Variants in TIAM1 observed in about 807,000 individuals in gnomAD.
TIAM1 encodes the protein rho guanine nucleotide exchange factor TIAM1.
Under a neutral mutation model 163.5 loss-of-function variants are expected in TIAM1, and 65 were observed. The observed-to-expected ratio is 0.40, with a 90% confidence interval of 0.33 to 0.49. TIAM1 has a LOEUF of 0.49. TIAM1 is among the 20% of genes least tolerant of loss of function. TIAM1 has a pLI of 0.77. For synonymous variants in TIAM1, 833 were observed against 810.1 expected, an observed-to-expected ratio of 1.03 and a Z score of -0.48; for missense variants, 1,789 against 2,044.7, an observed-to-expected ratio of 0.87 and a Z score of 2.41.
intron 22 of TIAM1, among the ~76,000 whole-genome samples, chr21:31,137,517 C>T (rs905208283): frequency 5.3e-5 from 8 of 152,008 alleles, no homozygotes; most frequent in African/African-American, 1.9e-4. Flanking sequence ...GAGTTACATA[C>T]AAAAGACAAA....
intron 16 of TIAM1, among the ~76,000 whole-genome samples, chr21:31,159,033 C>CA (rs1366297998): frequency 2.0e-5 from 3 of 152,106 alleles, no homozygotes; most frequent in African/African-American, 7.2e-5. Flanking sequence ...GTGGGACAAG[C>CA]AGCTTAGGAC....
intron 7 of TIAM1, among the ~76,000 whole-genome samples, chr21:31,225,234 A>G (rs1456507003): frequency 2.6e-5 from 4 of 152,088 alleles, no homozygotes; most frequent in Non-Finnish European, 5.9e-5. Flanking sequence ...TCCTGGGCTC[A>G]AGCGAGTATG....
rs1478505682 is a variant in TIAM1, at chr21:31,119,126, G to T, written c.*1242C>A. On this transcript the variant is annotated 3_prime_UTR_variant, in exon 28 of 28. Coordinates refer to ENST00000541036, the MANE Select transcript of TIAM1 (RefSeq NM_001353694.2). ...TTTTTTTAAAAAAAAAAAAAAAATT[G>T]AAAGTGCTATAACTTGTTTTTCTTC... The T allele has an allele frequency of 1.3e-5, 2 of 151,262 alleles. No homozygotes were observed. The highest frequency in any genetic ancestry group is 4.9e-5 in the African/African-American group (2 of 40,450). The allele number at this position is 151,262 out of a possible 1,614,324, so 9.4% of individuals were successfully genotyped here. A position where few individuals can be genotyped will look rare whatever the true frequency, so the allele number is the denominator to read the frequency against.
At position 31,217,615 on chromosome 21, in the gene TIAM1, A is replaced by C. The variant is rs1474445656; in HGVS notation, c.2080T>G (p.Ser694Ala). The C allele has an allele frequency of 6.2e-7, 1 of 1,614,004 alleles. No individual in the cohort carries two copies. The highest frequency in any genetic ancestry group is 2.2e-5 in the East Asian group (1 of 44,854). Reference sequence around the variant, plus strand: ...GTAGTATCCAGACCCCACAGAGAAGAAAACCTGCTCCTTCGCTTGCTCGCG... The same window carrying C: ...GTAGTATCCAGACCCCACAGAGAAGCAAACCTGCTCCTTCGCTTGCTCGCG... ...RSASKRRSRF[S>A]SLWGLDTTSK... The change falls in exon 9 of 28, where the codon TCT (serine) becomes GCT (alanine). Residue 694 changes from serine to alanine, a missense_variant. Ser to Ala is a moderately conservative substitution (Grantham distance 99, BLOSUM62 1). Coordinates refer to ENST00000541036, the MANE Select transcript of TIAM1 (RefSeq NM_001353694.2).
rs1232542114 is a variant in TIAM1 at position 31,395,114 on chromosome 21, T to C, written c.-368-55692A>G. ...TTAGCCAGGCATGGTGGCGCGTGCC[T>C]GTAGTCCCAGCTACTTGGGAGGCTG... On this transcript the variant is annotated intron_variant, in intron 2 of 28. Coordinates refer to the TIAM1 transcript ENST00000286827. This position sits in a 1 kb window ranked among gnomAD's most constrained non-coding sequence, Gnocchi z 7.5. 6.6e-6 allele frequency among the ~76,000 whole-genome samples: 1 copy of C among 152,070 alleles called. No individual in the cohort carries two copies. The highest frequency in any genetic ancestry group is 1.5e-5 in the Non-Finnish European group (1 of 67,996).
rs757470504 is a variant in TIAM1, at chr21:31,182,601, C to T, written c.2707G>A (p.Ala903Thr). 34 of 1,613,582 alleles carry T rather than the reference C, an allele frequency of 2.1e-5. No individual in the cohort carries two copies. The highest frequency in any genetic ancestry group is 1.2e-4 in the Admixed American group (7 of 59,908). The part of the protein sequence containing the change: ...DEILEINNRA[A>T]DALNSSMLKD... ...AGCATAGAAGAGTTCAGGGCGTCAG[C>T]AGCACGATTATTGATCTCAAGAATC... Residue 903 changes from alanine to threonine, a missense_variant, in exon 15 of 28, where the codon GCT becomes ACT. This residue lies in a region of TIAM1 where 303 missense variants were observed against 321.3 expected (regional missense o/e 0.94). Coordinates refer to ENST00000541036, the MANE Select transcript of TIAM1 (RefSeq NM_001353694.2).
intron 15 of TIAM1, among the ~76,000 whole-genome samples, chr21:31,178,978 C>T (rs983693201): frequency 1.3e-4 from 20 of 151,248 alleles, no homozygotes; most frequent in Admixed American, 9.9e-4. Flanking sequence ...CTCGAACTCC[C>T]GACCTCAGGT....
intron 5 of TIAM1, among the ~76,000 whole-genome samples, chr21:31,250,151 G>GAAAAAAAAAAAAA (rs755928120): frequency 3.4e-5 from 2 of 58,852 alleles, no homozygotes; most frequent in African/African-American, 1.1e-4. Flanking sequence ...GTCTCAAACA[G>GAAAAAAAAAAAAA]AAAAAAAAAA....
At chr21:31,146,033 A>T (rs986323690) in intron 20 of TIAM1, among the ~76,000 whole-genome samples, 5 of 152,196 alleles carry the variant, frequency 3.3e-5, no homozygotes, top group African/African-American at 1.2e-4. Flanking sequence ...TTAAAGAAAA[A>T]CAGAAATAAA....
chr21:31,312,218 C>T (rs1343220636), intron 2 of TIAM1, among the ~76,000 whole-genome samples: 2 of 152,178 alleles, frequency 1.3e-5, no homozygotes, highest in Non-Finnish European at 2.9e-5. Flanking sequence ...AATAAACTCC[C>T]CTTCATATAT....
chr21:31,356,797 C>T (rs529528197), intron 2 of TIAM1, among the ~76,000 whole-genome samples: 11 of 152,264 alleles, frequency 7.2e-5, no homozygotes, highest in South Asian at 6.2e-4. Context: ...TTCATAGCTT[C>T]GATATTTCAT....
intron 1 of TIAM1, among the ~76,000 whole-genome samples, chr21:31,468,645 G>A (rs1241183198): frequency 6.6e-6 from 1 of 151,986 alleles, no homozygotes; most frequent in African/African-American, 2.4e-5. Context: ...GCGTGGTGTC[G>A]GGTGCCTGTT....
At chr21:31,306,144 C>T (rs2074702490) in intron 2 of TIAM1, among the ~76,000 whole-genome samples, 1 of 151,866 alleles carries the variant, frequency 6.6e-6, no homozygotes, top group Non-Finnish European at 1.5e-5. Context: ...ATAAGCCAGG[C>T]ATGGTGACAT....
intron 2 of TIAM1, among the ~76,000 whole-genome samples, chr21:31,433,678 T>C (rs541525208): frequency 6.6e-6 from 1 of 152,380 alleles, no homozygotes; most frequent in East Asian, 1.9e-4. Context: ...AATTGACTTA[T>C]ACTCTGAAAC....
At chr21:31,274,295 G>A (rs905754909) in intron 3 of TIAM1, among the ~76,000 whole-genome samples, 13 of 152,012 alleles carry the variant, frequency 8.6e-5, no homozygotes, top group Non-Finnish European at 1.9e-4. Context: ...GATACAGCAC[G>A]TACCTTGCAT....
At chr21:31,308,913 T>TG (rs1252499180) in intron 2 of TIAM1, among the ~76,000 whole-genome samples, 2 of 152,032 alleles carry the variant, frequency 1.3e-5, no homozygotes, top group East Asian at 1.9e-4. Context: ...GGCTGGGAGT[T>TG]GGGGGGGTTA....
At chr21:31,461,992 T>G (rs2045346313) in intron 2 of TIAM1, among the ~76,000 whole-genome samples, 1 of 152,236 alleles carries the variant, frequency 6.6e-6, no homozygotes, top group Middle Eastern at 3.2e-3. Flanking sequence ...AAGCCACAGT[T>G]TGTGAGCTAC....
intron 1 of TIAM1, among the ~76,000 whole-genome samples, chr21:31,527,759 C>T (rs2047834823): frequency 6.6e-6 from 1 of 152,110 alleles, no homozygotes. Context: ...CCAGTCCCAA[C>T]CCAATGCTTA....
chr21:31,261,126 T>C (rs1437271089), intron 4 of TIAM1, among the ~76,000 whole-genome samples: 2 of 152,168 alleles, frequency 1.3e-5, no homozygotes, highest in Non-Finnish European at 2.9e-5. Context: ...AATGAAATCA[T>C]CAACGCGACT....
Sources: allele counts gnomAD v4.1 joint callset (sites outside exome capture counted in the v4.1 genomes callset), GRCh38; gene constraint gnomAD v4.1.1; regional missense constraint gnomAD v4.1.1; non-coding constraint Gnocchi (gnomAD v3.1); transcripts MANE v1.5; gene names NCBI Gene and HGNC (gene_info 2026-07-23, HGNC 2026-07-21).